RARS2: variants seen among roughly 807,000 people sequenced by gnomAD.
RARS2 encodes the protein arginyl-tRNA synthetase 2, mitochondrial, also known as probable arginine--tRNA ligase, mitochondrial.
RARS2 carries 67 observed loss-of-function variants against 88.5 expected under a neutral mutation model. The observed-to-expected ratio is 0.76, with a 90% CI of 0.62 to 0.93. The LOEUF is 0.93. Among genes scored for constraint, RARS2 ranks in the 40% least tolerant of loss-of-function variants. The probability of loss-of-function intolerance (pLI) is 0.00; values close to 1 mark genes in which losing one functional copy is unlikely to be tolerated. For missense variants in RARS2, 664 were observed against 684.2 expected (o/e 0.97, Z 0.33); for synonymous variants, 239 against 230.3 (o/e 1.04, Z -0.34).
chr6:87,538,375 C>T (rs1336265960), intron 8 of RARS2, among the ~76,000 whole-genome samples: 1 of 152,160 alleles, frequency 6.6e-6, no homozygotes, highest in Non-Finnish European at 1.5e-5. Flanking sequence ...CCTTATTGCC[C>T]TTATTCCTTC....
At chr6:87,584,990 A>G (rs1774704851) in intron 1 of RARS2, among the ~76,000 whole-genome samples, 5 of 152,208 alleles carry the variant, frequency 3.3e-5, no homozygotes. Flanking sequence ...AACAGTAAAT[A>G]AAATAGAAAT....
intron 5 of RARS2, among the ~76,000 whole-genome samples, chr6:87,554,476 G>C (rs1486599484): frequency 6.6e-6 from 1 of 151,856 alleles, no homozygotes; most frequent in African/African-American, 2.4e-5. Flanking sequence ...AATTTTTTTT[G>C]ACACAGGGTC....
intron 4 of RARS2, among the ~76,000 whole-genome samples, chr6:87,555,778 G>C (rs988727537): frequency 6.6e-6 from 1 of 152,170 alleles, no homozygotes; most frequent in Non-Finnish European, 1.5e-5. Context: ...GTATTTTACA[G>C]AGAAGGAAAC....
chr6:87,574,437 G>A (rs905614632), intron 1 of RARS2, among the ~76,000 whole-genome samples: 20 of 152,312 alleles, frequency 1.3e-4, no homozygotes, highest in African/African-American at 4.6e-4. Context: ...AAAAACAAAC[G>A]TGACATGAGG....
At chr6:87,569,780 C>T (rs950681468) in intron 1 of RARS2, among the ~76,000 whole-genome samples, 190 bp from the exon 2 acceptor site, 1 of 151,608 alleles carries the variant, frequency 6.6e-6, no homozygotes, top group Non-Finnish European at 1.5e-5. Context: ...TCTGGAAAAC[C>T]CAAAATTCTA....
intron 1 of RARS2, among the ~76,000 whole-genome samples, chr6:87,579,378 T>C (rs542451313): frequency 2.4e-4 from 36 of 152,304 alleles, no homozygotes; most frequent in Admixed American, 2.4e-3. Flanking sequence ...GTACTACACC[T>C]TTCTGCCCCT....
chr6:87,558,482 C>A (rs1270175089), intron 4 of RARS2, among the ~76,000 whole-genome samples: 1 of 152,092 alleles, frequency 6.6e-6, no homozygotes. Context: ...TGGTTTAGGC[C>A]CTCATCTGTC....
intron 1 of RARS2, among the ~76,000 whole-genome samples, chr6:87,585,212 T>A (rs1026043411): frequency 6.6e-6 from 1 of 152,216 alleles, no homozygotes; most frequent in Admixed American, 6.5e-5. Context: ...TACTCAGGTA[T>A]TCATTCTTCA....
intron 1 of RARS2, among the ~76,000 whole-genome samples, chr6:87,576,358 G>A (rs13199047): frequency 5.2e-5 from 5 of 95,554 alleles, no homozygotes; most frequent in Non-Finnish European, 8.2e-5. Context: ...CTCACTGCAA[G>A]CTCCGCCTCC....
intron 6 of RARS2, among the ~76,000 whole-genome samples, chr6:87,546,389 T>C (rs1399618125): frequency 6.6e-6 from 1 of 152,228 alleles, no homozygotes; most frequent in Non-Finnish European, 1.5e-5. Context: ...TACTTCTATT[T>C]TTTTATGACA....
At chr6:87,521,755 A>C (rs943483924) in intron 11 of RARS2, among the ~76,000 whole-genome samples, 1 of 152,148 alleles carries the variant, frequency 6.6e-6, no homozygotes, top group Non-Finnish European at 1.5e-5. Context: ...AACCTAAAAT[A>C]AATATAAATA....
At chr6:87,523,379 T>C (rs570702310) in intron 11 of RARS2, among the ~76,000 whole-genome samples, 51 of 152,296 alleles carry the variant, frequency 3.3e-4, no homozygotes, top group African/African-American at 1.2e-3. Context: ...TTTTGTCTGC[T>C]ATAACAACTT....
rs140399532 is a variant in RARS2 at position 87,514,586 on chromosome 6, C to T, written c.1651-87G>A. On this transcript the variant is annotated intron_variant, in intron 19 of 19. Transcript: ENST00000369536. ...AGAATGGTTTTAAAGGTTATTCTTT[C>T]TAGTTTAAAGCAGGAACAATATGTC... 2,665 of 1,193,400 alleles carry T rather than the reference C, an allele frequency of 2.2e-3. 42 individuals carry two copies. In the African/African-American group the frequency reaches 0.036, roughly 16 times the overall value. The allele number at this position is 1,193,400 out of a possible 1,614,324, so 73.9% of individuals were successfully genotyped here.
At chr6:87,576,956 ATAT>A (rs2128209782) in intron 1 of RARS2, among the ~76,000 whole-genome samples, 1 of 152,352 alleles carries the variant, frequency 6.6e-6, no homozygotes, top group East Asian at 1.9e-4. Context: ...TTTAACGGTG[ATAT>A]TATATAGGAA....
chr6:87,548,111 C>T (rs1452335932), intron 6 of RARS2, among the ~76,000 whole-genome samples: 4 of 152,046 alleles, frequency 2.6e-5, no homozygotes, highest in Non-Finnish European at 4.4e-5. Flanking sequence ...GGCATGGTGG[C>T]GCACGCCTGT....
rs1483404441 is a variant in RARS2 at position 87,514,319 on chromosome 6, A to C, written c.*94T>G. 1 of 940,254 alleles carries C rather than the reference A, an allele frequency of 1.1e-6. No individual in the cohort carries two copies. Among genetic ancestry groups the C allele is most frequent in the Non-Finnish European group, 1.6e-6 (1 of 620,720 alleles). 58.2% of individuals were successfully genotyped at this position (940,254 alleles called of 1,614,324 possible). A position where few individuals can be genotyped will look rare whatever the true frequency, so the allele number is the denominator to read the frequency against. On this transcript the variant is annotated 3_prime_UTR_variant, in exon 20 of 20. Coordinates refer to ENST00000369536, the MANE Select transcript of RARS2 (RefSeq NM_020320.5). ...AGAGCGAAACTCCATCTCAAAAAAA[A>C]AAAAAAAAAATTTAAATTTATTCTG...
intron 3 of RARS2, among the ~76,000 whole-genome samples, chr6:87,563,571 C>G (rs1262631705): frequency 6.6e-6 from 1 of 152,210 alleles, no homozygotes; most frequent in Admixed American, 6.5e-5. Flanking sequence ...CCTTGTCCAA[C>G]ATTATCTGCC....
intron 1 of RARS2, among the ~76,000 whole-genome samples, chr6:87,588,307 C>G (rs968824963): frequency 2.6e-5 from 4 of 152,250 alleles, no homozygotes; most frequent in Non-Finnish European, 5.9e-5. Flanking sequence ...AAGACTTCTG[C>G]CCAAATAACT....
At position 87,514,315 on chromosome 6, in the gene RARS2, A is replaced by G. The variant is rs978615853; in HGVS notation, c.*98T>C. 14 of 850,894 alleles carry G rather than the reference A, an allele frequency of 1.6e-5. No homozygotes were observed. Among genetic ancestry groups the G allele is most frequent in the Non-Finnish European group, 2.5e-5 (14 of 557,936 alleles). 52.7% of individuals were successfully genotyped at this position (850,894 alleles called of 1,614,324 possible). On this transcript the variant is annotated 3_prime_UTR_variant, in exon 20 of 20. Coordinates refer to ENST00000369536, the MANE Select transcript of RARS2 (RefSeq NM_020320.5). ...AACAAGAGCGAAACTCCATCTCAAA[A>G]AAAAAAAAAAAAAATTTAAATTTAT...
Sources: gnomAD v4.1 joint callset for allele counts (sites outside exome capture counted in the v4.1 genomes callset) on GRCh38, gnomAD v4.1.1 for gene constraint, MANE v1.5 for transcripts, NCBI Gene and HGNC (gene_info 2026-07-23, HGNC 2026-07-21) for gene names.